Variants in ZFP41 observed in about 807,000 individuals in gnomAD.
ZFP41 encodes ZFP41 zinc finger protein.
ZFP41 carries 10 observed loss-of-function variants against 11.6 expected under a neutral mutation model. The ratio of observed to expected loss-of-function variants is 0.86; its 90% CI spans 0.53 to 1.47. The LOEUF (loss-of-function observed/expected upper bound fraction) is 1.47, where lower values mean the gene tolerates loss of function less well. Among genes scored for constraint, ZFP41 ranks in the 40% most tolerant of loss-of-function variants. ZFP41 has a pLI of 0.00. For synonymous variants in ZFP41, 123 were observed against 100.9 expected, an observed-to-expected ratio of 1.22 and a Z score of -1.31; for missense variants, 302 against 264.6, an observed-to-expected ratio of 1.14 and a Z score of -0.98.
intron 2 of ZFP41, among the ~76,000 whole-genome samples, chr8:143,257,156 G>C (rs1814933285): frequency 6.6e-6 from 1 of 152,240 alleles, no homozygotes; most frequent in Admixed American, 6.5e-5. Flanking sequence ...CAGGAGAGGA[G>C]CTGGAAGTCA....
rs532479353 is a variant in ZFP41, at chr8:143,255,973, G to A, written c.*901-3802G>A. Among the ~76,000 whole-genome samples, 589 of 71,696 alleles carry A rather than the reference G, an allele frequency of 8.2e-3. 16 individuals carry two copies. Among genetic ancestry groups the A allele is most frequent in the African/African-American group, 0.04 (548 of 13,656 alleles). The allele number at this position is 71,696 out of a possible 152,430, so 47.0% of individuals were successfully genotyped here. ...TTAGTGAGATCAGGGCTCTCCCCGC[G>A]TGCTAGAGTTAGTGAGATCAGGGCT... On this transcript the variant is annotated intron_variant, in intron 2 of 2. Transcript: ENST00000330701.
chr8:143,255,800 C>T (rs891608504), intron 2 of ZFP41, among the ~76,000 whole-genome samples: 1 of 115,430 alleles, frequency 8.7e-6, no homozygotes, highest in African/African-American at 3.6e-5. Flanking sequence ...GGGCTCGCCC[C>T]GCGTGCTGGT....
At position 143,262,066 on chromosome 8, in the gene ZFP41, GCGCCCGCACCTCTGCACCTCCCA is replaced by G. The variant is rs1815060072; in HGVS notation, c.*3198_*3220del. ...CGGCTGTCTCCGGCAGCCCCTGCCC[GCGCCCGCACCTCTGCACCTCCCA>G]CGCCCCTCTCCGGCAGCCCCTGCCC... On this transcript the variant is annotated 3_prime_UTR_variant, in exon 3 of 3. Transcript: ENST00000330701. The G allele has an allele frequency of 6.9e-6, 1 of 144,106 alleles. No homozygotes were observed. Among genetic ancestry groups the G allele is most frequent in the Admixed American group, 9.1e-5 (1 of 10,980 alleles). 8.9% of individuals were successfully genotyped at this position (144,106 alleles called of 1,614,324 possible). A position where few individuals can be genotyped will look rare whatever the true frequency, so the allele number is the denominator to read the frequency against.
At position 143,250,114 on chromosome 8, in the gene ZFP41, G is replaced by GAGT. The variant is rs778799827; in HGVS notation, c.272_274dup (p.Glu91_Cys92insTer). 4 of 1,614,202 alleles carry GAGT rather than the reference G, an allele frequency of 2.5e-6. No homozygotes were observed. In the South Asian group the frequency reaches 4.4e-5, roughly 18 times the overall value. ...GAGGAAGAAACCCTATGAGTGCAGT[G>GAGT]AGTGTGGGCGGATCTTTAAGCACAA... On this transcript the variant is annotated stop_gained and inframe_insertion, in exon 2 of 3. Coordinates refer to ENST00000330701, the MANE Select transcript of ZFP41 (RefSeq NM_173832.6). LOFTEE classifies it high-confidence loss of function.
At position 143,250,342 on chromosome 8, in the gene ZFP41, G is replaced by A. The variant is rs371461508; in HGVS notation, c.499G>A (p.Gly167Arg). The A allele has an allele frequency of 3.5e-5, 57 of 1,613,886 alleles. No individual in the cohort carries two copies. The Admixed American group carries it at 6.5e-4, about 18-fold the overall frequency. ...CCTGAAACATCAGAAGACGCACACC[G>A]GGGAGAAGCCCTACGAATGCACGCA... ...NLLKHQKTHT[G>R]EKPYECTHCG... The change falls in exon 2 of 3, where the codon GGG (glycine) becomes AGG (arginine). Residue 167 changes from glycine (G) to arginine (R), a missense_variant. Coordinates refer to ENST00000330701, the MANE Select transcript of ZFP41 (RefSeq NM_173832.6).
chr8:143,248,736 C>T (rs961262108), intron 1 of ZFP41, among the ~76,000 whole-genome samples: 6 of 152,194 alleles, frequency 3.9e-5, no homozygotes, highest in Admixed American at 1.3e-4. Flanking sequence ...CCTGCATCCT[C>T]CCTCAGCACA....
Position 143,249,829 on chromosome 8 carries a change from C to A in ZFP41, c.-15C>A. 6.4e-7 allele frequency: 1 copy of A among 1,566,844 alleles called. No individual in the cohort carries two copies. Among genetic ancestry groups the A allele is most frequent in the African/African-American group, 1.4e-5 (1 of 72,522 alleles). ...CAGCAGCCCCTTAGCCCTCACGCTTCCAAGGAACAGAATGATGGAGAAGCC... is the reference window on the plus strand; with the variant it reads ...CAGCAGCCCCTTAGCCCTCACGCTTACAAGGAACAGAATGATGGAGAAGCC... On this transcript the variant is annotated 5_prime_UTR_variant, in exon 2 of 3. Coordinates refer to ENST00000330701, the MANE Select transcript of ZFP41 (RefSeq NM_173832.6).
Position 143,250,523 on chromosome 8 carries a change from G to C in ZFP41, c.*83G>C, listed in dbSNP as rs1296757495. 14 of 1,546,012 alleles carry C rather than the reference G, an allele frequency of 9.1e-6. No individual in the cohort carries two copies. The highest frequency in any genetic ancestry group is 1.2e-5 in the Non-Finnish European group (14 of 1,146,742). ...CGTGGCTCCCTCGTGTCCCGCGTCT[G>C]ATGGGGGCGCAGGGCCGTGCGCACT... is the stretch of plus-strand genomic sequence containing the variant. On this transcript the variant is annotated 3_prime_UTR_variant, in exon 2 of 3. Coordinates refer to ENST00000330701, the MANE Select transcript of ZFP41 (RefSeq NM_173832.6).
At chr8:143,257,071 C>T (rs1814931816) in intron 2 of ZFP41, among the ~76,000 whole-genome samples, 1 of 152,228 alleles carries the variant, frequency 6.6e-6, no homozygotes, top group Admixed American at 6.5e-5. Context: ...TAACAGAGCA[C>T]CTGATGGCAG....
chr8:143,253,839 G>A (rs1217274907), intron 2 of ZFP41, among the ~76,000 whole-genome samples: 1 of 152,192 alleles, frequency 6.6e-6, no homozygotes, highest in Admixed American at 6.5e-5. Flanking sequence ...GTTTAAAGCA[G>A]TGGTCCCCAA....
intron 2 of ZFP41, chr8:143,252,804 G>A (rs867831125): frequency 6.0e-5 from 11 of 182,526 alleles, no homozygotes; most frequent in Non-Finnish European, 9.4e-5. Context: ...GTGAGGGAGC[G>A]AGGGGGCGGG....
chr8:143,262,563 T>C lies in ZFP41; in HGVS notation c.*3689T>C, dbSNP rs1815072330. The stretch of plus-strand genomic sequence containing the variant: ...CGTTTGTTTTCAGCTGCGCTTTCTG[T>C]GACTTGCTCTGCGTGAGTCCTCGGT... On this transcript the variant is annotated 3_prime_UTR_variant, in exon 3 of 3. Transcript: ENST00000330701. 1 of 152,326 alleles carries C rather than the reference T, an allele frequency of 6.6e-6. No homozygotes were observed. The highest frequency in any genetic ancestry group is 2.1e-4 in the South Asian group (1 of 4,826). The allele number at this position is 152,326 out of a possible 1,614,324, so 9.4% of individuals were successfully genotyped here.
chr8:143,252,424 TG>T (rs1383297746), intron 2 of ZFP41, among the ~76,000 whole-genome samples: 1 of 152,214 alleles, frequency 6.6e-6, no homozygotes, highest in African/African-American at 2.4e-5. Flanking sequence ...GCCCTGCCTT[TG>T]TTTGGGTTGA....
At chr8:143,247,548 T>A (rs934704301) in intron 1 of ZFP41, 6 of 152,132 alleles carry the variant, frequency 3.9e-5, no homozygotes, top group African/African-American at 1.4e-4. Flanking sequence ...GGCGCCAGGG[T>A]GAGTGAGGTT....
Position 143,250,026 on chromosome 8 carries a change from T to C in ZFP41, c.183T>C (p.Phe61=). ...CLSPEDEEHV[F]DAFDASFKDD... ...GTCCTGAAGACGAAGAGCACGTCTT[T>C]GATGCCTTCGACGCTTCATTTAAAG... The change falls in exon 2 of 3, where the codon TTT becomes TTC. Residue 61 remains phenylalanine, a synonymous_variant. Coordinates refer to ENST00000330701, the MANE Select transcript of ZFP41 (RefSeq NM_173832.6). 1 of 1,614,186 alleles carries C rather than the reference T, an allele frequency of 6.2e-7. No homozygotes were observed. Among genetic ancestry groups the C allele is most frequent in the African/African-American group, 1.3e-5 (1 of 75,054 alleles).
At chr8:143,259,327 A>G (rs1361313635) in intron 2 of ZFP41, among the ~76,000 whole-genome samples, 2 of 152,238 alleles carry the variant, frequency 1.3e-5, no homozygotes, top group Non-Finnish European at 2.9e-5. Context: ...GTCCAACTGC[A>G]GAGAAAGGCA....
intron 2 of ZFP41, among the ~76,000 whole-genome samples, chr8:143,259,244 C>T (rs1206347456): frequency 3.9e-5 from 6 of 152,184 alleles, no homozygotes; most frequent in Admixed American, 3.3e-4. Context: ...AGAAGACACA[C>T]GGCGTGATTT....
chr8:143,251,350 A>G lies in ZFP41; in HGVS notation c.*900+10A>G, dbSNP rs1328295845. The G allele has an allele frequency of 1.2e-5, 2 of 162,064 alleles. No homozygotes were observed. The highest frequency in any genetic ancestry group is 1.3e-4 in the Admixed American group (2 of 15,292). The allele number at this position is 162,064 out of a possible 1,614,324, so 10.0% of individuals were successfully genotyped here. ...CCAGCCCAGCATTCAGGTTAGTTCT[A>G]CTTCTTCATGCCTGTACCCAGTCCT... On this transcript the variant is annotated intron_variant, in intron 2 of 2. Coordinates refer to ENST00000330701, the MANE Select transcript of ZFP41 (RefSeq NM_173832.6).
intron 2 of ZFP41, among the ~76,000 whole-genome samples, chr8:143,259,068 C>T (rs1403501817): frequency 6.6e-6 from 1 of 152,222 alleles, no homozygotes; most frequent in African/African-American, 2.4e-5. Flanking sequence ...TCATGGCATG[C>T]ACTGTCAGGA....
Sources: gnomAD v4.1 joint callset for allele counts (sites outside exome capture counted in the v4.1 genomes callset) on GRCh38, gnomAD v4.1.1 for gene constraint, MANE v1.5 for transcripts, NCBI Gene and HGNC (gene_info 2026-07-23, HGNC 2026-07-21) for gene names.